The following RYR3 variants were observed in gnomAD, a reference collection of about 807,000 sequenced individuals.
The protein encoded by RYR3 is ryanodine receptor 3, also known as brain ryanodine receptor-calcium release channel.
RYR3 carries 207 observed loss-of-function variants against 584.3 expected under a neutral mutation model. The observed-to-expected ratio is 0.35, with a 90% CI of 0.32 to 0.40. The LOEUF (loss-of-function observed/expected upper bound fraction) is 0.40, where lower values mean the gene tolerates loss of function less well. Ranked by LOEUF, RYR3 falls within the 10% of genes least tolerant of loss-of-function variation. RYR3 has a pLI of 1.00. For missense variants in RYR3, 5,616 were observed against 6,089.2 expected (o/e 0.92, Z 2.59); for synonymous variants, 2,416 against 2,248.5 (o/e 1.07, Z -2.11).
intron 38 of RYR3, among the ~76,000 whole-genome samples, chr15:33,682,614 A>G (rs1184133459): frequency 1.3e-5 from 2 of 152,212 alleles, no homozygotes; most frequent in African/African-American, 2.4e-5. Context: ...GTACATGACT[A>G]GCTTCCCTAA....
At position 33,738,441 on chromosome 15, in the gene RYR3, A is replaced by T; in HGVS notation, c.7516-9A>T. On this transcript the variant is annotated splice_polypyrimidine_tract_variant and intron_variant, in intron 49 of 103. Transcript: ENST00000634891. ...ACCCCGCTGGTCTGTCCTGTTCTGC[A>T]CCTCCCAGCTTCTGACGAATCACTA... is the stretch of plus-strand genomic sequence containing the variant. 1 of 1,610,268 alleles carries T rather than the reference A, an allele frequency of 6.2e-7. No individual in the cohort carries two copies.
In RYR3 at chr15:33,821,608, G is replaced by A. The variant is rs758261396; in HGVS notation, c.10995+6G>A. ...GCAATGCTGGTGTGCAACAGGTAAC[G>A]GGAACTTGCAGCGGCTGGGCAGGCT... On this transcript the variant is annotated splice_donor_region_variant and intron_variant, in intron 80 of 103. Coordinates refer to ENST00000634891, the MANE Select transcript of RYR3 (RefSeq NM_001036.6). The A allele has an allele frequency of 4.6e-5, 74 of 1,613,548 alleles. No individual in the cohort carries two copies. Among genetic ancestry groups the A allele is most frequent in the Admixed American group, 1.3e-4 (8 of 60,010 alleles).
At chr15:33,840,686 T>C (rs552581956) in intron 89 of RYR3, 139 bp from the exon 90 acceptor site, 44 of 727,816 alleles carry the variant, frequency 6.0e-5, no homozygotes, top group Admixed American at 1.7e-4. Flanking sequence ...AGGACACTTA[T>C]GTTCAGTGAT....
chr15:33,630,658 G>A (rs1316241240), intron 22 of RYR3, among the ~76,000 whole-genome samples: 1 of 152,206 alleles, frequency 6.6e-6, no homozygotes, highest in Admixed American at 6.5e-5. Flanking sequence ...CACCTCTTGA[G>A]GGTATGGCTT....
chr15:33,635,935 C>G (rs1268209005), intron 26 of RYR3, 116 bp downstream of exon 26: 1 of 835,068 alleles, frequency 1.2e-6, no homozygotes, highest in African/African-American at 1.7e-5. Flanking sequence ...ACCACCACCA[C>G]TGGCTAATGT....
chr15:33,709,617 T>C (rs4779635), intron 43 of RYR3, among the ~76,000 whole-genome samples: 12,257 of 152,256 alleles, frequency 0.081, 1,061 homozygotes, highest in African/African-American at 0.22. Flanking sequence ...TCTTGCTTTC[T>C]TGTGCACACT....
In RYR3 at chr15:33,844,906, C is replaced by G. The variant is rs1207059445; in HGVS notation, c.13341C>G (p.Asn4447Lys). ...PLEEETEDVA[N>K]LWNSFNDEEE... ...AAGAAGAGACAGAGGATGTTGCAAACCTATGGAATTCCTTTAATGACGAGG... is the reference window on the plus strand; with the variant it reads ...AAGAAGAGACAGAGGATGTTGCAAAGCTATGGAATTCCTTTAATGACGAGG... Residue 4447 changes from asparagine to lysine, a missense_variant, in exon 93 of 104, where the codon AAC becomes AAG. Around this residue, in one of 9 missense-constraint regions of RYR3, gnomAD observed 918 missense variants for 887.4 expected, o/e 1.03. Coordinates refer to ENST00000634891, the MANE Select transcript of RYR3 (RefSeq NM_001036.6). The G allele has an allele frequency of 6.2e-7, 1 of 1,613,992 alleles. No individual in the cohort carries two copies. Among genetic ancestry groups the G allele is most frequent in the East Asian group, 2.2e-5 (1 of 44,878 alleles).
Position 33,722,812 on chromosome 15 carries a change from G to A in RYR3, c.6717G>A (p.Gly2239=), listed in dbSNP as rs2293027. ...GPALRGEGGN[G]LLAAMQGAIK... ...CCCTGCGGGGTGAGGGGGGAAACGG[G>A]CTCTTGGCAGCCATGCAGGGTGCCA... Residue 2239 remains glycine, a synonymous_variant, in exon 44 of 104, where the codon GGG becomes GGA. Coordinates refer to ENST00000634891, the MANE Select transcript of RYR3 (RefSeq NM_001036.6). 0.18 allele frequency: 290,208 copies of A among 1,612,518 alleles called. 27,450 individuals carry two copies. The highest frequency in any genetic ancestry group is 0.23 in the South Asian group (21,048 of 90,796).
Position 33,662,219 on chromosome 15 carries a change from G to T in RYR3, c.4689G>T (p.Arg1563Ser), listed in dbSNP as rs1320649761. ...DLMRFHYHTLRLYSAVCALGN... is the reference protein window; with the variant it reads ...DLMRFHYHTLSLYSAVCALGN... The stretch of plus-strand genomic sequence containing the variant: ...TGCGGTTCCATTACCACACGCTGAG[G>T]CTCTACAGCGCGGTGTGCGCCCTGG... Residue 1563 changes from arginine (R) to serine (S), a missense_variant, in exon 35 of 104, where the codon AGG (arginine) becomes AGT (serine). By Grantham distance (110) the Arg-to-Ser change is moderately radical. Coordinates refer to ENST00000634891, the MANE Select transcript of RYR3 (RefSeq NM_001036.6). 2.5e-6 allele frequency: 4 copies of T among 1,608,448 alleles called. No individual in the cohort carries two copies. The highest frequency in any genetic ancestry group is 1.8e-4 in the Middle Eastern group (1 of 5,714).
chr15:33,685,922 C>T (rs1278087685), intron 38 of RYR3, among the ~76,000 whole-genome samples: 5 of 152,186 alleles, frequency 3.3e-5, no homozygotes, highest in Non-Finnish European at 5.9e-5. Flanking sequence ...ATACCAGAAT[C>T]TCTGGGACAC....
At chr15:33,746,230 T>A (rs2152842620) in intron 53 of RYR3, 73 bp downstream of exon 53, 1 of 1,013,448 alleles carries the variant, frequency 9.9e-7, no homozygotes, top group Non-Finnish European at 1.5e-6. Context: ...TCAGAGGAGT[T>A]CAGAGCACAT....
chr15:33,433,553 G>A (rs866398790), intron 1 of RYR3, among the ~76,000 whole-genome samples: 4 of 152,186 alleles, frequency 2.6e-5, no homozygotes, highest in East Asian at 1.9e-4. Flanking sequence ...AAATGCAGTC[G>A]TAGGAGTATG....
chr15:33,692,619 C>CTTT lies in RYR3; in HGVS notation c.5861-3584_5861-3582dup, dbSNP rs3085218. Among the ~76,000 whole-genome samples, 47 of 140,304 alleles carry CTTT rather than the reference C, an allele frequency of 3.3e-4. 1 individual carries two copies. The highest frequency in any genetic ancestry group is 1.5e-3 in the East Asian group (7 of 4,754). The allele number at this position is 140,304 out of a possible 152,430, so 92.0% of individuals were successfully genotyped here. On this transcript the variant is annotated intron_variant, in intron 38 of 103. Transcript: ENST00000634891. ...CTTTTCTGGCAGGACCTGGGGACTA[C>CTTT]TTTTTTTTTTTTTTTTTAACTGTAC...
intron 12 of RYR3, among the ~76,000 whole-genome samples, chr15:33,567,256 C>T (rs980288362): frequency 6.6e-5 from 10 of 152,176 alleles, no homozygotes; most frequent in Admixed American, 3.3e-4. Context: ...GTGGCTGTGG[C>T]TTAAATGGGA....
intron 3 of RYR3, among the ~76,000 whole-genome samples, chr15:33,528,837 C>T (rs1313942697): frequency 6.6e-6 from 1 of 152,128 alleles, no homozygotes; most frequent in African/African-American, 2.4e-5. Flanking sequence ...ACCCCCCTCC[C>T]CCAGCTTTTG....
intron 2 of RYR3, among the ~76,000 whole-genome samples, chr15:33,480,164 A>C (rs1341781719): frequency 6.6e-6 from 1 of 152,164 alleles, no homozygotes; most frequent in African/African-American, 2.4e-5. Context: ...ACTGACATCA[A>C]GGACTTTTGT....
chr15:33,365,672 G>C (rs1324300315), intron 1 of RYR3, among the ~76,000 whole-genome samples: 1 of 152,152 alleles, frequency 6.6e-6, no homozygotes, highest in Non-Finnish European at 1.5e-5. Flanking sequence ...TTTTCTAAAA[G>C]GATAGAGCTC....
chr15:33,499,194 C>G (rs889356736), intron 2 of RYR3, among the ~76,000 whole-genome samples: 6 of 151,422 alleles, frequency 4.0e-5, no homozygotes, highest in Non-Finnish European at 7.4e-5. Flanking sequence ...TCTCCCTCCC[C>G]TTCCTCTCCC....
intron 28 of RYR3, among the ~76,000 whole-genome samples, chr15:33,644,821 G>A (rs1403231900): frequency 1.3e-5 from 2 of 152,024 alleles, no homozygotes; most frequent in East Asian, 1.9e-4. Flanking sequence ...TATAGTATTC[G>A]GAGACCTTAA....
Sources: allele counts gnomAD v4.1 joint callset (sites outside exome capture counted in the v4.1 genomes callset), GRCh38; gene constraint gnomAD v4.1.1; regional missense constraint gnomAD v4.1.1; transcripts MANE v1.5; gene names NCBI Gene and HGNC (gene_info 2026-07-23, HGNC 2026-07-21).